PLCB1: variants seen among roughly 807,000 people sequenced by gnomAD.
PLCB1 encodes 1-phosphatidylinositol 4,5-bisphosphate phosphodiesterase beta-1.
PLCB1 carries 46 observed loss-of-function variants against 161.8 expected under a neutral mutation model. The ratio of observed to expected loss-of-function variants is 0.28; its 90% CI spans 0.22 to 0.36. The LOEUF is 0.36. Among genes scored for constraint, PLCB1 ranks in the 10% least tolerant of loss-of-function variants. The pLI, the probability that PLCB1 is intolerant of heterozygous loss-of-function variation, is 1.00. For missense variants in PLCB1, 1,016 were observed against 1,472.5 expected, an observed-to-expected ratio of 0.69 and a Z score of 5.07; for synonymous variants, 517 against 503.7, an observed-to-expected ratio of 1.03 and a Z score of -0.35.
intron 3 of PLCB1, among the ~76,000 whole-genome samples, chr20:8,581,348 T>C (rs1986827516): frequency 6.6e-6 from 1 of 152,148 alleles, no homozygotes; most frequent in African/African-American, 2.4e-5. Flanking sequence ...GTCCAGTGGT[T>C]ATAACCAGAA....
At chr20:8,469,751 AT>A (rs1305278467) in intron 3 of PLCB1, among the ~76,000 whole-genome samples, 1 of 152,142 alleles carries the variant, frequency 6.6e-6, no homozygotes, top group Non-Finnish European at 1.5e-5. Context: ...CCAGTCACCT[AT>A]TTTTTAAGTG....
chr20:8,162,414 T>C (rs2051635734), intron 2 of PLCB1, among the ~76,000 whole-genome samples: 1 of 152,342 alleles, frequency 6.6e-6, no homozygotes, highest in Non-Finnish European at 1.5e-5. Context: ...AATTGTAGCA[T>C]TATGTCATTT....
intron 2 of PLCB1, among the ~76,000 whole-genome samples, chr20:8,312,720 G>T (rs1984462910): frequency 6.6e-6 from 1 of 151,932 alleles, no homozygotes; most frequent in South Asian, 2.1e-4. Flanking sequence ...TCCATCTGTA[G>T]AACTTTCAAC....
intron 25 of PLCB1, among the ~76,000 whole-genome samples, chr20:8,760,978 T>G (rs1981993257): frequency 6.6e-6 from 1 of 152,208 alleles, no homozygotes; most frequent in African/African-American, 2.4e-5. Context: ...TTTATAATAC[T>G]TGGTTCAATA....
intron 3 of PLCB1, among the ~76,000 whole-genome samples, chr20:8,485,351 C>A (rs1475637610): frequency 6.6e-6 from 1 of 152,102 alleles, no homozygotes; most frequent in African/African-American, 2.4e-5. Flanking sequence ...TATTTTTTTC[C>A]AGAGTTTCCC....
intron 3 of PLCB1, among the ~76,000 whole-genome samples, chr20:8,600,529 T>C (rs1275509984): frequency 6.6e-6 from 1 of 151,156 alleles, no homozygotes; most frequent in Non-Finnish European, 1.5e-5. Context: ...CATTTAAGTC[T>C]GCAGAGGTTA....
At chr20:8,153,787 C>T (rs1018113549) in intron 2 of PLCB1, among the ~76,000 whole-genome samples, 1 of 152,062 alleles carries the variant, frequency 6.6e-6, no homozygotes, top group African/African-American at 2.4e-5. Flanking sequence ...CTTCATAAAA[C>T]TGGAGCTTGG....
At position 8,830,411 on chromosome 20, in the gene PLCB1, C is replaced by T. The variant is rs116075984; in HGVS notation, c.3423+40150C>T. On this transcript the variant is annotated intron_variant, in intron 31 of 31. Transcript: ENST00000338037. Reference sequence around the variant, plus strand: ...CTTTTGTTTTAGCAGAATCTCTTTGCATGTGATGTGGAAAATGAATTGGAG... The same window carrying T: ...CTTTTGTTTTAGCAGAATCTCTTTGTATGTGATGTGGAAAATGAATTGGAG... 4.1e-3 allele frequency among the ~76,000 whole-genome samples: 623 copies of T among 152,316 alleles called. 2 individuals are homozygous for T. Among genetic ancestry groups the T allele is most frequent in the African/African-American group, 0.014 (601 of 41,556 alleles).
chr20:8,483,945 A>G (rs1982613462), intron 3 of PLCB1, among the ~76,000 whole-genome samples: 1 of 152,248 alleles, frequency 6.6e-6, no homozygotes. Flanking sequence ...GCACACACAT[A>G]GCAGCTAAGC....
chr20:8,432,921 C>T (rs1171322371), intron 3 of PLCB1, among the ~76,000 whole-genome samples: 1 of 152,112 alleles, frequency 6.6e-6, no homozygotes, highest in African/African-American at 2.4e-5. Context: ...CAGTGGCGCC[C>T]GTGGGATTGT....
rs372664859 is a variant in PLCB1, at chr20:8,541,809, C to A, written c.247-86485C>A. Among the ~76,000 whole-genome samples, 100 of 152,310 alleles carry A rather than the reference C, an allele frequency of 6.6e-4. 3 individuals carry two copies. In the South Asian group the frequency reaches 0.018, roughly 27 times the overall value. On this transcript the variant is annotated intron_variant, in intron 3 of 31. Transcript: ENST00000338037. ...CAATACTGACCTGCAAGCAATGTCT[C>A]AAATCTGGAAGCTACCAAGAATTCT... is the stretch of plus-strand genomic sequence containing the variant.
intron 11 of PLCB1, among the ~76,000 whole-genome samples, chr20:8,697,999 C>T (rs1429947811): frequency 4.6e-5 from 7 of 152,158 alleles, no homozygotes; most frequent in Admixed American, 6.6e-5. Flanking sequence ...GAAACTGTCT[C>T]GTGAAAGGAA....
intron 3 of PLCB1, among the ~76,000 whole-genome samples, chr20:8,461,676 A>G (rs1981582180): frequency 1.3e-5 from 2 of 152,214 alleles, no homozygotes; most frequent in Admixed American, 1.3e-4. Context: ...AAATAATAAC[A>G]CAAAACTACA....
At chr20:8,859,492 A>G (rs1034107455) in intron 31 of PLCB1, among the ~76,000 whole-genome samples, 4 of 152,216 alleles carry the variant, frequency 2.6e-5, no homozygotes, top group Non-Finnish European at 4.4e-5. Context: ...AAGGCTTTCT[A>G]AAGTTCTGCT....
intron 3 of PLCB1, among the ~76,000 whole-genome samples, chr20:8,427,048 A>G (rs1381367280): frequency 2.0e-5 from 3 of 152,024 alleles, no homozygotes; most frequent in African/African-American, 7.3e-5. Context: ...AGTAACTGGG[A>G]TTACAGGCAC....
intron 27 of PLCB1, among the ~76,000 whole-genome samples, chr20:8,777,457 A>G (rs1982998642): frequency 6.6e-6 from 1 of 151,950 alleles, no homozygotes; most frequent in African/African-American, 2.4e-5. Flanking sequence ...GGTGGCTCAC[A>G]CCTGTGATCC....
At chr20:8,484,781 T>G (rs562500051) in intron 3 of PLCB1, among the ~76,000 whole-genome samples, 39 of 152,330 alleles carry the variant, frequency 2.6e-4, no homozygotes, top group Non-Finnish European at 4.7e-4. Context: ...TCAGATCATT[T>G]ATCAAAATCA....
intron 4 of PLCB1, among the ~76,000 whole-genome samples, chr20:8,645,144 C>A (rs536780007): frequency 4.0e-5 from 6 of 149,548 alleles, no homozygotes; most frequent in South Asian, 2.1e-4. Flanking sequence ...GTCATCACCA[C>A]TCCCTAATCT....
intron 2 of PLCB1, among the ~76,000 whole-genome samples, chr20:8,155,263 T>C (rs996774630): frequency 6.6e-6 from 1 of 152,208 alleles, no homozygotes; most frequent in South Asian, 2.1e-4. Flanking sequence ...GATTTAAATT[T>C]ATACCTGCAT....
Sources: gnomAD v4.1 joint callset for allele counts (sites outside exome capture counted in the v4.1 genomes callset) on GRCh38, gnomAD v4.1.1 for gene constraint, MANE v1.5 for transcripts, NCBI Gene and HGNC (gene_info 2026-07-23, HGNC 2026-07-21) for gene names.